The following SHTN1 variants were observed in gnomAD, a reference collection of about 807,000 sequenced individuals.
SHTN1 encodes shootin-1.
SHTN1 carries 42 observed loss-of-function variants against 83.1 expected under a neutral mutation model. That is an observed-to-expected ratio of 0.51 (90% confidence interval 0.39 to 0.65). The LOEUF is 0.65. Ranked by LOEUF, SHTN1 falls within the 30% of genes least tolerant of loss-of-function variation. The pLI is 0.00. For synonymous variants in SHTN1, 224 were observed against 247.7 expected (o/e 0.90, Z 0.90); for missense variants, 622 against 737.8 (o/e 0.84, Z 1.82).
intron 10 of SHTN1, 83 bp downstream of exon 10, chr10:116,929,766 C>A: frequency 1.2e-6 from 1 of 866,480 alleles, no homozygotes; most frequent in Non-Finnish European, 1.7e-6. Context: ...ATGTTCTAGA[C>A]TAACTATATG....
chr10:117,111,576 G>C (rs1853769060), intron 1 of SHTN1, among the ~76,000 whole-genome samples: 2 of 152,110 alleles, frequency 1.3e-5, no homozygotes, highest in South Asian at 4.1e-4. Context: ...ACAGGCGTGA[G>C]CCACTGCACC....
intron 5 of SHTN1, among the ~76,000 whole-genome samples, chr10:116,952,949 G>A (rs1255215105): frequency 6.6e-6 from 1 of 152,130 alleles, no homozygotes; most frequent in Non-Finnish European, 1.5e-5. Flanking sequence ...TATTGTTCAA[G>A]CTCGAACAGA....
At chr10:116,887,112 A>G (rs1161753538) in intron 16 of SHTN1, among the ~76,000 whole-genome samples, 1 of 152,150 alleles carries the variant, frequency 6.6e-6, no homozygotes, top group East Asian at 1.9e-4. Context: ...AGACTTCAGG[A>G]GGGGGTGGTG....
At chr10:117,086,226 C>T (rs1483520383) in intron 1 of SHTN1, among the ~76,000 whole-genome samples, 1 of 152,160 alleles carries the variant, frequency 6.6e-6, no homozygotes, top group East Asian at 1.9e-4. Context: ...CATGAGCCAC[C>T]GCGCCCGGCC....
At chr10:117,064,285 G>A (rs998603330) in intron 1 of SHTN1, among the ~76,000 whole-genome samples, 1 of 152,186 alleles carries the variant, frequency 6.6e-6, no homozygotes, top group East Asian at 1.9e-4. Context: ...AAGGTTACAA[G>A]GAACCAAGAA....
chr10:116,924,341 A>G (rs1293894016), intron 11 of SHTN1, among the ~76,000 whole-genome samples: 3 of 152,126 alleles, frequency 2.0e-5, no homozygotes, highest in Non-Finnish European at 4.4e-5. Flanking sequence ...GAGATTTTGC[A>G]AGTGTACATT....
intron 2 of SHTN1, among the ~76,000 whole-genome samples, chr10:117,038,819 CA>C (rs1187558236): frequency 6.6e-6 from 1 of 152,078 alleles, no homozygotes; most frequent in African/African-American, 2.4e-5. Context: ...TTAGAATGGC[CA>C]AAATCCAGAA....
chr10:116,934,288 T>C (rs951512574), intron 9 of SHTN1, among the ~76,000 whole-genome samples: 9 of 152,224 alleles, frequency 5.9e-5, no homozygotes, highest in Non-Finnish European at 1.0e-4. Flanking sequence ...AGGGTTTTTA[T>C]GGTTTTAGGT....
intron 2 of SHTN1, among the ~76,000 whole-genome samples, chr10:117,035,214 G>A (rs1852477054): frequency 6.6e-6 from 1 of 152,158 alleles, no homozygotes; most frequent in Admixed American, 6.5e-5. Flanking sequence ...CAACAAAGGT[G>A]CCAAGAACAT....
upstream of SHTN1, among the ~76,000 whole-genome samples, chr10:117,008,056 G>A (rs1158423796): frequency 6.6e-6 from 1 of 151,904 alleles, no homozygotes; most frequent in African/African-American, 2.4e-5. Flanking sequence ...TCACGTTGGA[G>A]TTACTATTGA....
intron 10 of SHTN1, among the ~76,000 whole-genome samples, chr10:116,928,588 T>C (rs1259261414): frequency 2.0e-5 from 3 of 152,148 alleles, no homozygotes; most frequent in Non-Finnish European, 2.9e-5. Context: ...ACCTATGAGA[T>C]AATGGGTAAA....
chr10:116,948,468 C>T (rs548914799), intron 7 of SHTN1, among the ~76,000 whole-genome samples: 2 of 152,306 alleles, frequency 1.3e-5, no homozygotes, highest in South Asian at 4.1e-4. Context: ...ACTTTGTATA[C>T]CAATCTAACT....
intron 1 of SHTN1, among the ~76,000 whole-genome samples, chr10:117,102,192 G>A (rs1183039529): frequency 1.3e-5 from 2 of 152,122 alleles, no homozygotes; most frequent in Non-Finnish European, 2.9e-5. Context: ...TCTAATCAGA[G>A]CACCTGGTGT....
chr10:116,923,918 T>C (rs1373554774), intron 11 of SHTN1, among the ~76,000 whole-genome samples: 1 of 152,172 alleles, frequency 6.6e-6, no homozygotes, highest in Non-Finnish European at 1.5e-5. Flanking sequence ...GCTTATATTA[T>C]TAATCCCCTT....
chr10:117,018,233 G>T lies in SHTN1; in HGVS notation c.-123+30212C>A, dbSNP rs553538794. On this transcript the variant is annotated intron_variant, in intron 2 of 17. Coordinates refer to the SHTN1 transcript ENST00000392901. ...TGTACTGTGGTTATGTACCCAGTGG[G>T]CTGGGTGAAGAGTATACAAGAATTC... 1.2e-4 allele frequency among the ~76,000 whole-genome samples: 18 copies of T among 152,244 alleles called. No individual in the cohort carries two copies. In the East Asian group the frequency reaches 3.5e-3, roughly 29 times the overall value.
At chr10:117,032,014 T>G (rs1852422397) in intron 2 of SHTN1, among the ~76,000 whole-genome samples, 1 of 151,260 alleles carries the variant, frequency 6.6e-6, no homozygotes, top group Non-Finnish European at 1.5e-5. Context: ...GAAACAAACT[T>G]CATCCATAAA....
At chr10:116,977,937 A>G (rs1173267816) in intron 2 of SHTN1, among the ~76,000 whole-genome samples, 3 of 152,216 alleles carry the variant, frequency 2.0e-5, no homozygotes, top group Admixed American at 6.5e-5. Context: ...TCAGCCTCCC[A>G]AAGTGCTTCT....
intron 15 of SHTN1, 41 bp downstream of exon 15, chr10:116,906,586 G>C: frequency 6.4e-7 from 1 of 1,551,010 alleles, no homozygotes; most frequent in African/African-American, 1.4e-5. Context: ...AGATGTTTCA[G>C]AGATGAAGAG....
intron 1 of SHTN1, among the ~76,000 whole-genome samples, chr10:117,068,856 T>C (rs1333381889): frequency 6.6e-6 from 1 of 152,154 alleles, no homozygotes; most frequent in Non-Finnish European, 1.5e-5. Context: ...AGCTGAGTGA[T>C]GAGTACACAG....
Sources: gnomAD v4.1 joint callset for allele counts (sites outside exome capture counted in the v4.1 genomes callset) on GRCh38, gnomAD v4.1.1 for gene constraint, MANE v1.5 for transcripts, NCBI Gene and HGNC (gene_info 2026-07-23, HGNC 2026-07-21) for gene names.